The following AHNAK2 variants were observed in gnomAD, a reference collection of about 807,000 sequenced individuals.
AHNAK2 encodes AHNAK nucleoprotein 2.
In AHNAK2, 18 loss-of-function variants were observed where a neutral mutation model predicts 30.7. That is an observed-to-expected ratio of 0.59 (90% CI 0.41 to 0.87). AHNAK2 has a LOEUF of 0.87. AHNAK2 is among the 40% of genes least tolerant of loss of function. The pLI is 0.00. For missense variants in AHNAK2, 8,604 were observed against 7,373.0 expected (o/e 1.17, Z -6.11); for synonymous variants, 3,590 against 3,073.8 (o/e 1.17, Z -5.56).
intron 1 of AHNAK2, among the ~76,000 whole-genome samples, chr14:104,965,531 C>G (rs1566925230): frequency 6.6e-6 from 1 of 151,986 alleles, no homozygotes; most frequent in Non-Finnish European, 1.5e-5. Context: ...CAAGAAGAAA[C>G]AGTACCAATC....
chr14:104,953,515 TTG>T lies in AHNAK2; in HGVS notation c.1934_1935del (p.Thr645AsnfsTer9), dbSNP rs757848871. ...TCATCGTGTATTAGTTGTATTTTTG[TTG>T]TGTTTGTCATTGAGTCACTGTCTTC... ...DKEDSDSMTN[T>X]TKIQLIHDEK... On this transcript the variant is annotated frameshift_variant, in exon 7 of 7. Transcript: ENST00000333244. LOFTEE classifies it low-confidence loss of function (END_TRUNC). The T allele has an allele frequency of 2.5e-6, 4 of 1,613,984 alleles. No individual in the cohort carries two copies. Among genetic ancestry groups the T allele is most frequent in the South Asian group, 1.1e-5 (1 of 91,078 alleles).
Position 104,960,590 on chromosome 14 carries a change from A to AG in AHNAK2, c.56-2919dup, listed in dbSNP as rs541734097. Among the ~76,000 whole-genome samples, 811 of 152,320 alleles carry AG rather than the reference A, an allele frequency of 5.3e-3. 11 individuals carry two copies. The highest frequency in any genetic ancestry group is 6.8e-3 in the Middle Eastern group (2 of 294). On this transcript the variant is annotated intron_variant, in intron 1 of 6. Transcript: ENST00000333244. ...GAGGCACAAGTGTACCCTGGACCAA[A>AG]GTTTCTATAATTTACCAGAATTAAG...
chr14:104,939,496 G>A lies in AHNAK2; in HGVS notation c.15955C>T (p.Gln5319Ter). 1 of 1,613,624 alleles carries A rather than the reference G, an allele frequency of 6.2e-7. No individual in the cohort carries two copies. The highest frequency in any genetic ancestry group is 1.1e-5 in the South Asian group (1 of 91,084). ...QMPGMRLPET[Q>*]VLPGEIDETP... ...TCATCTATTTCTCCTGGAAGAACCTGGGTTTCTGGAAGCCTCATGCCAGGC... is the reference window on the plus strand; with the variant it reads ...TCATCTATTTCTCCTGGAAGAACCTAGGTTTCTGGAAGCCTCATGCCAGGC... The change falls in exon 7 of 7, where the codon CAG becomes TAG. Residue 5319 changes from glutamine to a stop codon, truncating the protein, a stop_gained. Coordinates refer to ENST00000333244, the MANE Select transcript of AHNAK2 (RefSeq NM_138420.4). LOFTEE classifies it low-confidence loss of function (END_TRUNC).
chr14:104,944,701 C>T lies in AHNAK2; in HGVS notation c.10750G>A (p.Asp3584Asn), dbSNP rs1898163675. The T allele has an allele frequency of 6.2e-7, 1 of 1,612,776 alleles. No individual in the cohort carries two copies. Among genetic ancestry groups the T allele is most frequent in the Non-Finnish European group, 8.5e-7 (1 of 1,179,550 alleles). Reference protein sequence around the residue: ...PQIDVKGPKLDLKGPKAEVRV... With the variant: ...PQIDVKGPKLNLKGPKAEVRV... Reference sequence around the variant, plus strand: ...ACTTCTGCCTTGGGGCCTTTCAGGTCCAGCTTGGGGCCCTTAACATCTATC... The same window carrying T: ...ACTTCTGCCTTGGGGCCTTTCAGGTTCAGCTTGGGGCCCTTAACATCTATC... The change falls in exon 7 of 7, where the codon GAC becomes AAC. Residue 3584 changes from aspartate to asparagine, a missense_variant. Asp to Asn is a conservative substitution (Grantham distance 23). Coordinates refer to ENST00000333244, the MANE Select transcript of AHNAK2 (RefSeq NM_138420.4).
Position 104,942,240 on chromosome 14 carries a change from T to A in AHNAK2, c.13211A>T (p.Asn4404Ile). Residue 4404 changes from asparagine to isoleucine, a missense_variant, in exon 7 of 7, where the codon AAT becomes ATT. Transcript: ENST00000333244. ...VDLKGPQIDVNVPKLDLKGPK... is the reference protein window; with the variant it reads ...VDLKGPQIDVIVPKLDLKGPK... ...GCCTTTCAGGTCCAGCTTGGGGACATTAACGTCTATCTGGGGACCCTTGAG... is the reference window on the plus strand; with the variant it reads ...GCCTTTCAGGTCCAGCTTGGGGACAATAACGTCTATCTGGGGACCCTTGAG... The A allele has an allele frequency of 6.2e-7, 1 of 1,612,602 alleles. No homozygotes were observed. The highest frequency in any genetic ancestry group is 8.5e-7 in the Non-Finnish European group (1 of 1,179,582).
In AHNAK2 at chr14:104,946,795, C is replaced by T. The variant is rs373989251; in HGVS notation, c.8656G>A (p.Val2886Ile). ...QVDVKLPEGH[V>I]PEGAGLKGHL... is the part of the protein sequence containing the mutation. ...CCTTTGAGGCCGGCTCCCTCGGGAACGTGGCCCTCTGGGAGTTTCACGTCC... is the reference window on the plus strand; with the variant it reads ...CCTTTGAGGCCGGCTCCCTCGGGAATGTGGCCCTCTGGGAGTTTCACGTCC... Residue 2886 changes from valine (V) to isoleucine (I), a missense_variant, in exon 7 of 7, where the codon GTT (valine) becomes ATT (isoleucine). Coordinates refer to ENST00000333244, the MANE Select transcript of AHNAK2 (RefSeq NM_138420.4). The T allele has an allele frequency of 1.8e-4, 294 of 1,612,650 alleles. 4 individuals are homozygous for T. The highest frequency in any genetic ancestry group is 2.1e-4 in the Non-Finnish European group (249 of 1,179,622).
In AHNAK2 at chr14:104,947,260, G is replaced by A; in HGVS notation, c.8191C>T (p.Leu2731=). The A allele has an allele frequency of 6.2e-7, 1 of 1,611,750 alleles. No individual in the cohort carries two copies. The highest frequency in any genetic ancestry group is 1.3e-5 in the African/African-American group (1 of 74,108). Reference sequence around the variant, plus strand: ...AAACTGGGCATCTGCAGCTTGGGCAGGTGCCCTTTGAGGCCGGCTCCCTCG... The same window carrying A: ...AAACTGGGCATCTGCAGCTTGGGCAAGTGCCCTTTGAGGCCGGCTCCCTCG... The part of the protein sequence containing the change: ...VPEGAGLKGH[L]PKLQMPSFKM... The change falls in exon 7 of 7, where the codon CTG becomes TTG. Residue 2731 remains leucine, a synonymous_variant. Coordinates refer to ENST00000333244, the MANE Select transcript of AHNAK2 (RefSeq NM_138420.4).
Position 104,950,798 on chromosome 14 carries a change from C to G in AHNAK2, c.4653G>C (p.Glu1551Asp). Reference sequence around the variant, plus strand: ...TCACGTCCACTTGGCCAGCCTGGACCTCCAGGTCAGCAGAAGGGGGCTGTA... The same window carrying G: ...TCACGTCCACTTGGCCAGCCTGGACGTCCAGGTCAGCAGAAGGGGGCTGTA... ...LSIQPPSADL[E>D]VQAGQVDVKL... Residue 1551 changes from glutamate to aspartate, a missense_variant, in exon 7 of 7, where the codon GAG becomes GAC. Transcript: ENST00000333244. 1 of 1,586,990 alleles carries G rather than the reference C, an allele frequency of 6.3e-7. No homozygotes were observed. Among genetic ancestry groups the G allele is most frequent in the Non-Finnish European group, 8.6e-7 (1 of 1,162,390 alleles).
In AHNAK2 at chr14:104,943,808, GC is replaced by G; in HGVS notation, c.11642del (p.Gly3881AlafsTer26). 1 of 1,613,322 alleles carries G rather than the reference GC, an allele frequency of 6.2e-7. No individual in the cohort carries two copies. The highest frequency in any genetic ancestry group is 8.5e-7 in the Non-Finnish European group (1 of 1,179,632). ...GCACCTTGGGCAGGTGTCCTTTGAG[GC>G]CGGCTTCCTCGGGCACGTGGCCCTC... ...LLEGHVPEEAGLKGHLPKVQM... is the reference protein window; with the variant it reads ...LLEGHVPEEAXLKGHLPKVQM... On this transcript the variant is annotated frameshift_variant, in exon 7 of 7. Transcript: ENST00000333244. LOFTEE classifies it low-confidence loss of function (END_TRUNC).
In AHNAK2 at chr14:104,944,786, G is replaced by C; in HGVS notation, c.10665C>G (p.His3555Gln). Reference protein sequence around the residue: ...PVPEGAGLKGHLPKVEMPSLK... With the variant: ...PVPEGAGLKGQLPKVEMPSLK... ...AACTGGGCATCTCCACTTTGGGCAG[G>C]TGCCCTTTGAGGCCGGCTCCCTCGG... is the stretch of plus-strand genomic sequence containing the variant. The change falls in exon 7 of 7, where the codon CAC (histidine) becomes CAG (glutamine). Residue 3555 changes from histidine to glutamine, a missense_variant. By Grantham distance (24) the His-to-Gln change is conservative (BLOSUM62 0). Coordinates refer to ENST00000333244, the MANE Select transcript of AHNAK2 (RefSeq NM_138420.4). 1 of 1,612,886 alleles carries C rather than the reference G, an allele frequency of 6.2e-7. No individual in the cohort carries two copies. Among genetic ancestry groups the C allele is most frequent in the Non-Finnish European group, 8.5e-7 (1 of 1,179,548 alleles).
Position 104,957,478 on chromosome 14 carries a change from G to C in AHNAK2, c.145C>G (p.Arg49Gly). 2 of 1,601,474 alleles carry C rather than the reference G, an allele frequency of 1.2e-6. No individual in the cohort carries two copies. Among genetic ancestry groups the C allele is most frequent in the Non-Finnish European group, 1.7e-6 (2 of 1,172,154 alleles). ...GGTGAAGACCCCTGCGGCCGTGGTC[G>C]AATGCCCTCATCCGCAGGCCCTTCA... ...VTEGPADEGI[R>G]PRPQGSSPVY... is the part of the protein sequence containing the mutation. The change falls in exon 3 of 7, where the codon CGA becomes GGA. Residue 49 changes from arginine (R) to glycine (G), a missense_variant. By Grantham distance (125) the Arg-to-Gly change is moderately radical. Coordinates refer to ENST00000333244, the MANE Select transcript of AHNAK2 (RefSeq NM_138420.4).
In AHNAK2 at chr14:104,945,482, T is replaced by G. The variant is rs373675083; in HGVS notation, c.9969A>C (p.Pro3323=). The change falls in exon 7 of 7, where the codon CCA becomes CCC. Residue 3323 remains proline (P), a synonymous_variant. Transcript: ENST00000333244. ...CCACCGAGGCCTGGATGGACTTGCC[T>G]GGGGCAGACGCCCTGTACGACGGCA... ...FKMPSYRASA[P]GKSIQASVDV... 1 of 1,613,258 alleles carries G rather than the reference T, an allele frequency of 6.2e-7. No individual in the cohort carries two copies. The highest frequency in any genetic ancestry group is 1.3e-5 in the African/African-American group (1 of 74,726).
In AHNAK2 at chr14:104,963,942, C is replaced by A. The variant is rs1333629118; in HGVS notation, c.56-6270G>T. Among the ~76,000 whole-genome samples, 3 of 150,748 alleles carry A rather than the reference C, an allele frequency of 2.0e-5. No individual in the cohort carries two copies. In the East Asian group the frequency reaches 5.9e-4, roughly 29 times the overall value. On this transcript the variant is annotated intron_variant, in intron 1 of 6. Transcript: ENST00000333244. The stretch of plus-strand genomic sequence containing the variant: ...AAATTAGTATAGCCATGATAGAAAA[C>A]ACTATGGATGGTTCCTCAAAAAATT...
chr14:104,962,089 A>T (rs1164796779), intron 1 of AHNAK2, among the ~76,000 whole-genome samples: 1 of 152,158 alleles, frequency 6.6e-6, no homozygotes, highest in Non-Finnish European at 1.5e-5. Context: ...AGATTCTAAC[A>T]CTCTTAGGAA....
intron 1 of AHNAK2, chr14:104,970,606 G>T: frequency 1.2e-6 from 1 of 822,760 alleles, no homozygotes; most frequent in Non-Finnish European, 1.5e-6. Context: ...GACCCTGCCA[G>T]GACCCCCACA....
In AHNAK2 at chr14:104,945,068, C is replaced by T. The variant is rs1449492717; in HGVS notation, c.10383G>A (p.Leu3461=). 3 of 1,613,072 alleles carry T rather than the reference C, an allele frequency of 1.9e-6. No individual in the cohort carries two copies. Among genetic ancestry groups the T allele is most frequent in the African/African-American group, 2.7e-5 (2 of 74,600 alleles). ...DGARLEGDLS[L]AEKDVTAKDS... ...CTTTGGCAGTCACATCCTTTTCAGC[C>T]AGGGACAGGTCCCCCTCCAGCCGCG... Residue 3461 remains leucine, a synonymous_variant, in exon 7 of 7, where the codon CTG becomes CTA. Coordinates refer to ENST00000333244, the MANE Select transcript of AHNAK2 (RefSeq NM_138420.4).
At chr14:104,955,270 T>C in intron 5 of AHNAK2, 129 bp from the exon 6 acceptor site, 1 of 1,304,464 alleles carries the variant, frequency 7.7e-7, no homozygotes, top group Non-Finnish European at 1.0e-6. Flanking sequence ...GCCCCACCAG[T>C]CCCCCACTGA....
intron 4 of AHNAK2, 102 bp downstream of exon 4, chr14:104,956,486 A>T: frequency 1.7e-6 from 2 of 1,206,876 alleles, no homozygotes; most frequent in South Asian, 1.2e-5. Context: ...GCACACTGCC[A>T]GCCTCTTTGC....
At position 104,949,793 on chromosome 14, in the gene AHNAK2, T is replaced by G; in HGVS notation, c.5658A>C (p.Gln1886His). Residue 1886 changes from glutamine to histidine, a missense_variant, in exon 7 of 7, where the codon CAA becomes CAC. Transcript: ENST00000333244. ...GGCCCTCCGGGAGCTTCATGTCCACTTGGCCAGCCTGGACCACCAGGTCTG... is the reference window on the plus strand; with the variant it reads ...GGCCCTCCGGGAGCTTCATGTCCACGTGGCCAGCCTGGACCACCAGGTCTG... ...PSADLVVQAG[Q>H]VDMKLPEGQV... The G allele has an allele frequency of 6.3e-7, 1 of 1,585,526 alleles. No individual in the cohort carries two copies. Among genetic ancestry groups the G allele is most frequent in the Non-Finnish European group, 8.6e-7 (1 of 1,162,348 alleles).
Sources: allele counts gnomAD v4.1 joint callset (sites outside exome capture counted in the v4.1 genomes callset), GRCh38; gene constraint gnomAD v4.1.1; transcripts MANE v1.5; gene names NCBI Gene and HGNC (gene_info 2026-07-23, HGNC 2026-07-21).